Variants in ABLIM3 observed in about 807,000 individuals in gnomAD.
The protein encoded by ABLIM3 is actin-binding LIM protein 3.
A neutral mutation model predicts 109.5 loss-of-function variants in ABLIM3; 61 were observed. That is an observed-to-expected ratio of 0.56 (90% CI 0.45 to 0.69). The LOEUF (loss-of-function observed/expected upper bound fraction) is 0.69, where lower values mean the gene tolerates loss of function less well. Ranked by LOEUF, ABLIM3 falls within the 30% of genes least tolerant of loss-of-function variation. The pLI is 0.00. For missense variants in ABLIM3, 796 were observed against 889.5 expected (o/e 0.89, Z 1.34); for synonymous variants, 300 against 324.8 (o/e 0.92, Z 0.82).
chr5:149,239,102 G>A (rs1752530941), intron 11 of ABLIM3, 146 bp from the exon 12 acceptor site: 4 of 754,620 alleles, frequency 5.3e-6, no homozygotes, highest in Non-Finnish European at 9.2e-6. Context: ...GGAATTCCCA[G>A]CGAGGCTGTT....
In ABLIM3 at chr5:149,250,449, C is replaced by T. The variant is rs1421226226; in HGVS notation, c.1732C>T (p.Pro578Ser). Residue 578 changes from proline to serine, a missense_variant and splice_region_variant, in exon 20 of 24, where the codon CCT becomes TCT. Pro to Ser is a moderately conservative substitution (Grantham distance 74). Transcript: ENST00000309868. ...PRSHYLADSD[P>S]LISKSASLPA... ...TTGCTCTAGATCCTTCTTTTCAGAT[C>T]CTCTCATCTCCAAATCTGCCTCCCT... 6.2e-7 allele frequency: 1 copy of T among 1,614,002 alleles called. No homozygotes were observed. The highest frequency in any genetic ancestry group is 8.5e-7 in the Non-Finnish European group (1 of 1,180,000).
chr5:149,212,737 A>G (rs1223065461), intron 7 of ABLIM3, among the ~76,000 whole-genome samples: 1 of 152,164 alleles, frequency 6.6e-6, no homozygotes, highest in East Asian at 1.9e-4. Flanking sequence ...TGGGGATGAC[A>G]GGGGAAAAAG....
At chr5:149,252,143 T>C in intron 21 of ABLIM3, 58 bp from the exon 22 acceptor site, 2 of 1,608,388 alleles carry the variant, frequency 1.2e-6, no homozygotes, top group South Asian at 1.1e-5. Flanking sequence ...TGTGTAGTGA[T>C]GCAAAGCAAA....
At position 149,191,018 on chromosome 5, in the gene ABLIM3, G is replaced by A. The variant is rs373202427; in HGVS notation, c.152-7201G>A. ...TAGAAAAGAATTAAGTTCAAAAACCGTGAACTAAGTGTTCAACTCAAAAAG... is the reference window on the plus strand; with the variant it reads ...TAGAAAAGAATTAAGTTCAAAAACCATGAACTAAGTGTTCAACTCAAAAAG... On this transcript the variant is annotated intron_variant, in intron 3 of 23. Transcript: ENST00000309868. Among the ~76,000 whole-genome samples the A allele has an allele frequency of 3.7e-4, 56 of 152,250 alleles. 1 individual carries two copies. Among genetic ancestry groups the A allele is most frequent in the East Asian group, 1.9e-3 (10 of 5,188 alleles).
chr5:149,230,836 C>A, intron 9 of ABLIM3, 129 bp downstream of exon 9: 1 of 1,089,562 alleles, frequency 9.2e-7, no homozygotes. Flanking sequence ...GTGCCTATGT[C>A]CTTGGATTTT....
At chr5:149,242,080 G>C (rs1476307694) in intron 14 of ABLIM3, among the ~76,000 whole-genome samples, 1 of 152,202 alleles carries the variant, frequency 6.6e-6, no homozygotes, top group African/African-American at 2.4e-5. Flanking sequence ...GTCTTTGAGG[G>C]AGGGGGAGGG....
chr5:149,240,262 C>A (rs1752674919), intron 13 of ABLIM3, among the ~76,000 whole-genome samples: 1 of 152,184 alleles, frequency 6.6e-6, no homozygotes, highest in East Asian at 1.9e-4. Context: ...AGGGCCACCC[C>A]AGCCAATCCA....
At chr5:149,149,095 C>A (rs764782470) in intron 2 of ABLIM3, among the ~76,000 whole-genome samples, 2 of 152,216 alleles carry the variant, frequency 1.3e-5, no homozygotes, top group Non-Finnish European at 2.9e-5. Context: ...GGTCAAATAA[C>A]TCCCACAAAG....
chr5:149,216,029 A>C (rs962209544), intron 7 of ABLIM3, among the ~76,000 whole-genome samples: 6 of 152,150 alleles, frequency 3.9e-5, no homozygotes, highest in Non-Finnish European at 8.8e-5. Flanking sequence ...ATGGGGAAGG[A>C]AAGTGAAAAT....
At chr5:149,206,110 C>A (rs1758943537) in intron 5 of ABLIM3, among the ~76,000 whole-genome samples, 1 of 152,230 alleles carries the variant, frequency 6.6e-6, no homozygotes. Context: ...GTTGGCTAGG[C>A]CTGAATTCCC....
In ABLIM3 at chr5:149,198,296, C is replaced by G. The variant is rs767782062; in HGVS notation, c.229C>G (p.Leu77Val). The G allele has an allele frequency of 6.2e-7, 1 of 1,614,222 alleles. No homozygotes were observed. The highest frequency in any genetic ancestry group is 8.5e-7 in the Non-Finnish European group (1 of 1,180,030). Residue 77 changes from leucine (L) to valine (V), a missense_variant, in exon 4 of 24, where the codon CTC (leucine) becomes GTC (valine). Physicochemically the swap from Leu to Val is conservative, Grantham distance 32. Transcript: ENST00000309868. The surrounding 1 kb of genome is among the most constrained non-coding windows in gnomAD (Gnocchi z 4.2). The stretch of plus-strand genomic sequence containing the variant: ...CATCTGCACCCAGGACTACCAGCAA[C>G]TCTATGGCACCCGCTGTGACAGCTG... ...EYICTQDYQQ[L>V]YGTRCDSCRD...
chr5:149,183,708 A>G (rs541027912), intron 3 of ABLIM3, 119 bp downstream of exon 3: 8 of 1,184,516 alleles, frequency 6.8e-6, no homozygotes, highest in Non-Finnish European at 8.8e-6. Context: ...TAAAGACCTA[A>G]AGAGACTTTC....
chr5:149,204,200 AC>A, intron 5 of ABLIM3, among the ~76,000 whole-genome samples: 1 of 152,318 alleles, frequency 6.6e-6, no homozygotes, highest in South Asian at 2.1e-4. Context: ...TCAGTTTATA[AC>A]TGAGGGATCT....
chr5:149,229,825 T>C (rs533400007), intron 8 of ABLIM3, among the ~76,000 whole-genome samples: 1 of 152,256 alleles, frequency 6.6e-6, no homozygotes, highest in Non-Finnish European at 1.5e-5. Context: ...AGCCACCTGT[T>C]GCTCATGCCT....
At chr5:149,248,011 C>T in intron 18 of ABLIM3, 82 bp downstream of exon 18, 1 of 1,511,832 alleles carries the variant, frequency 6.6e-7, no homozygotes, top group Non-Finnish European at 8.9e-7. Context: ...TTGCTCTGAG[C>T]CAGGCTCCCT....
Position 149,258,394 on chromosome 5 carries a change from G to C in ABLIM3, c.2042G>C (p.Arg681Pro). ...WKRNELKKQA[R>P]LF The stretch of plus-strand genomic sequence containing the variant: ...AGGAATGAACTGAAGAAGCAAGCCC[G>C]GCTGTTCTAGGCAGAGGCTCTATAA... The change falls in exon 24 of 24, where the codon CGG becomes CCG. Residue 681 changes from arginine to proline, a missense_variant. By Grantham distance (103) the Arg-to-Pro change is moderately radical. Coordinates refer to ENST00000309868, the MANE Select transcript of ABLIM3 (RefSeq NM_014945.5). The C allele has an allele frequency of 6.2e-7, 1 of 1,613,818 alleles. No homozygotes were observed.
intron 5 of ABLIM3, among the ~76,000 whole-genome samples, chr5:149,205,356 C>T (rs1453932449): frequency 6.6e-6 from 1 of 152,132 alleles, no homozygotes; most frequent in Non-Finnish European, 1.5e-5. Flanking sequence ...GTCGAGAATG[C>T]TGTAGGTTAC....
intron 6 of ABLIM3, among the ~76,000 whole-genome samples, chr5:149,208,814 A>G (rs144269755): frequency 1.9e-4 from 29 of 152,338 alleles, no homozygotes; most frequent in African/African-American, 5.8e-4. Context: ...TGTGTCCAAG[A>G]TAACAAATAA....
intron 2 of ABLIM3, among the ~76,000 whole-genome samples, chr5:149,148,903 G>A (rs1452056636): frequency 6.6e-6 from 1 of 152,052 alleles, no homozygotes; most frequent in South Asian, 2.1e-4. Context: ...CTTCACCAAG[G>A]CTGGCCTCCT....
Sources: allele counts gnomAD v4.1 joint callset (sites outside exome capture counted in the v4.1 genomes callset), GRCh38; gene constraint gnomAD v4.1.1; non-coding constraint Gnocchi (gnomAD v3.1); transcripts MANE v1.5; gene names NCBI Gene and HGNC (gene_info 2026-07-23, HGNC 2026-07-21).